The following ATP2B2 variants were observed in gnomAD, a reference collection of about 807,000 sequenced individuals.
ATP2B2 encodes the protein plasma membrane calcium-transporting ATPase 2.
ATP2B2 carries 15 observed loss-of-function variants against 120.0 expected under a neutral mutation model. The observed-to-expected ratio is 0.12, with a 90% CI of 0.08 to 0.19. The LOEUF is 0.19. Ranked by LOEUF, ATP2B2 falls within the 10% of genes least tolerant of loss-of-function variation. The pLI is 1.00. For missense variants in ATP2B2, 1,045 were observed against 1,719.8 expected, an observed-to-expected ratio of 0.61 and a Z score of 6.94; for synonymous variants, 694 against 700.3, an observed-to-expected ratio of 0.99 and a Z score of 0.14.
At chr3:10,599,873 G>A (rs375060697) in intron 2 of ATP2B2, among the ~76,000 whole-genome samples, 5 of 151,844 alleles carry the variant, frequency 3.3e-5, no homozygotes, top group Non-Finnish European at 5.9e-5. Flanking sequence ...GAGGAGGAAC[G>A]TAGTACGTGG....
chr3:10,475,334 C>T (rs1244211870), intron 1 of ATP2B2, among the ~76,000 whole-genome samples: 1 of 152,186 alleles, frequency 6.6e-6, no homozygotes, highest in Non-Finnish European at 1.5e-5. Context: ...GTCAGAGCTC[C>T]CCCACCCTCT....
chr3:10,554,001 T>C (rs1575490437), intron 2 of ATP2B2, among the ~76,000 whole-genome samples: 1 of 117,698 alleles, frequency 8.5e-6, no homozygotes, highest in East Asian at 2.8e-4. Context: ...ACGTTTGTTT[T>C]CTGGGGGTCT....
upstream of ATP2B2, among the ~76,000 whole-genome samples, chr3:10,509,797 C>A (rs945589723): frequency 7.9e-5 from 12 of 152,224 alleles, no homozygotes; most frequent in African/African-American, 2.9e-4. Context: ...CTCAGCCAAC[C>A]AGATCTCGAG....
At chr3:10,562,793 A>G (rs2067931955) in intron 2 of ATP2B2, among the ~76,000 whole-genome samples, 1 of 152,246 alleles carries the variant, frequency 6.6e-6, no homozygotes, top group Non-Finnish European at 1.5e-5. Flanking sequence ...AATGCCCATC[A>G]ATGGGGATTC....
At chr3:10,628,483 G>A (rs1026257012) in intron 1 of ATP2B2, among the ~76,000 whole-genome samples, 1 of 152,200 alleles carries the variant, frequency 6.6e-6, no homozygotes, top group Non-Finnish European at 1.5e-5. Context: ...GCCTCCTTTC[G>A]CAGCTCTCTC....
intron 2 of ATP2B2, among the ~76,000 whole-genome samples, chr3:10,588,913 T>C (rs2068578204): frequency 6.6e-6 from 1 of 152,180 alleles, no homozygotes; most frequent in Non-Finnish European, 1.5e-5. Flanking sequence ...GAGAGTTGTC[T>C]GCGGCTGGCA....
At chr3:10,356,267 C>T (rs1487169559) in intron 14 of ATP2B2, among the ~76,000 whole-genome samples, 1 of 152,016 alleles carries the variant, frequency 6.6e-6, no homozygotes, top group African/African-American at 2.4e-5. Context: ...TTGGGCACAT[C>T]ACTGTCCCCC....
At chr3:10,509,898 T>G (rs1426453220), upstream of ATP2B2, among the ~76,000 whole-genome samples, 1 of 152,204 alleles carries the variant, frequency 6.6e-6, no homozygotes, top group Non-Finnish European at 1.5e-5. Flanking sequence ...TCGACCTCCC[T>G]GAGTCCCAGG....
chr3:10,570,832 A>C (rs1369591344), intron 2 of ATP2B2, among the ~76,000 whole-genome samples: 1 of 152,222 alleles, frequency 6.6e-6, no homozygotes, highest in Non-Finnish European at 1.5e-5. Flanking sequence ...GCCCTGCTGT[A>C]CTGACCAAGG....
At chr3:10,374,642 C>A (rs1002272933) in intron 11 of ATP2B2, among the ~76,000 whole-genome samples, 3 of 152,160 alleles carry the variant, frequency 2.0e-5, no homozygotes, top group African/African-American at 7.2e-5. Flanking sequence ...GAAAATGAGA[C>A]CCGGGTGTGA....
intron 1 of ATP2B2, among the ~76,000 whole-genome samples, chr3:10,452,468 C>A (rs2064095220): frequency 6.6e-6 from 1 of 152,162 alleles, no homozygotes. Flanking sequence ...GGGGCGGGAG[C>A]TTTTACATTA....
chr3:10,349,298 A>T (rs2060511393), intron 16 of ATP2B2, among the ~76,000 whole-genome samples: 1 of 151,902 alleles, frequency 6.6e-6, no homozygotes, highest in African/African-American at 2.4e-5. Flanking sequence ...ATAAAGAATT[A>T]AAAAAAATTA....
chr3:10,666,015 A>C (rs2070921271), intron 1 of ATP2B2, among the ~76,000 whole-genome samples: 1 of 152,168 alleles, frequency 6.6e-6, no homozygotes, highest in Non-Finnish European at 1.5e-5. Flanking sequence ...AGTCAGATAC[A>C]CTTAAGAACT....
At chr3:10,548,995 G>T (rs941412089) in intron 2 of ATP2B2, among the ~76,000 whole-genome samples, 1 of 152,176 alleles carries the variant, frequency 6.6e-6, no homozygotes, top group African/African-American at 2.4e-5. Context: ...TTTATTCAAA[G>T]ACTTTTTATT....
intron 5 of ATP2B2, among the ~76,000 whole-genome samples, chr3:10,389,043 T>TTGATG (rs543001357): frequency 0.015 from 2,273 of 152,246 alleles, 55 homozygotes; most frequent in African/African-American, 0.05. Context: ...TTGGAATAGG[T>TTGATG]GTGGCACATG....
At chr3:10,562,323 T>G (rs1215951801) in intron 2 of ATP2B2, among the ~76,000 whole-genome samples, 1 of 152,044 alleles carries the variant, frequency 6.6e-6, no homozygotes, top group Non-Finnish European at 1.5e-5. Context: ...GAACAGTGAG[T>G]AGCTTGGTGT....
intron 1 of ATP2B2, among the ~76,000 whole-genome samples, chr3:10,680,706 C>T (rs544963077): frequency 4.6e-5 from 7 of 152,286 alleles, no homozygotes; most frequent in South Asian, 2.1e-4. Flanking sequence ...TTTACACATT[C>T]GTCCTGAGCA....
chr3:10,407,930 C>T (rs945668357), intron 3 of ATP2B2, among the ~76,000 whole-genome samples: 8 of 152,210 alleles, frequency 5.3e-5, no homozygotes, highest in African/African-American at 1.9e-4. Flanking sequence ...ACATGGAGGG[C>T]CGGCCTGGGT....
chr3:10,345,262 C>T lies in ATP2B2; in HGVS notation c.2703+122G>A, dbSNP rs571072463. 1.2e-3 allele frequency: 1,393 copies of T among 1,148,860 alleles called. 3 individuals are homozygous for T. The highest frequency in any genetic ancestry group is 1.6e-3 in the Non-Finnish European group (1,289 of 804,980). 71.2% of individuals were successfully genotyped at this position (1,148,860 alleles called of 1,614,324 possible). A position where few individuals can be genotyped will look rare whatever the true frequency, so the allele number is the denominator to read the frequency against. ...TCCTGGCCCCCAGCAGGTGCTCCAT[C>T]GATGGGTGCCTCATCCCCGGCTGTT... On this transcript the variant is annotated intron_variant, in intron 18 of 22. Coordinates refer to ENST00000360273, the MANE Select transcript of ATP2B2 (RefSeq NM_001001331.4).
Sources: gnomAD v4.1 joint callset for allele counts (sites outside exome capture counted in the v4.1 genomes callset) on GRCh38, gnomAD v4.1.1 for gene constraint, MANE v1.5 for transcripts, NCBI Gene and HGNC (gene_info 2026-07-23, HGNC 2026-07-21) for gene names.